Variants in MAML3 observed in about 807,000 individuals in gnomAD.
MAML3 encodes the protein mastermind like transcriptional coactivator 3.
In MAML3, 27 loss-of-function variants were observed where a neutral mutation model predicts 101.9. The observed-to-expected ratio is 0.27, with a 90% CI of 0.20 to 0.37. The LOEUF is 0.37. Among genes scored for constraint, MAML3 ranks in the 10% least tolerant of loss-of-function variants. The pLI is 1.00. For missense variants in MAML3, 1,316 were observed against 1,444.9 expected (o/e 0.91, Z 1.45); for synonymous variants, 501 against 555.9 (o/e 0.90, Z 1.39).
At chr4:139,931,717 C>T (rs984989031) in intron 1 of MAML3, among the ~76,000 whole-genome samples, 9 of 151,976 alleles carry the variant, frequency 5.9e-5, no homozygotes, top group African/African-American at 2.2e-4. Context: ...TGTAAAAGTA[C>T]TTTAGAAATA....
intron 2 of MAML3, among the ~76,000 whole-genome samples, chr4:139,769,211 G>T (rs537892169): frequency 1.3e-5 from 2 of 152,338 alleles, no homozygotes; most frequent in South Asian, 4.1e-4. Flanking sequence ...GAACAGGCAG[G>T]CAGGGATACA....
intron 1 of MAML3, among the ~76,000 whole-genome samples, chr4:140,051,970 C>T (rs1031751501): frequency 7.2e-5 from 11 of 152,184 alleles, no homozygotes; most frequent in African/African-American, 2.4e-4. Context: ...CTTACTGATA[C>T]CTCACCCCTG....
intron 1 of MAML3, among the ~76,000 whole-genome samples, chr4:140,034,981 CT>C (rs1726961047): frequency 6.6e-6 from 1 of 152,010 alleles, no homozygotes; most frequent in African/African-American, 2.4e-5. Flanking sequence ...CAAGGAAGTT[CT>C]TTTTTGAGAT....
chr4:139,941,176 T>C (rs1733590320), intron 1 of MAML3, among the ~76,000 whole-genome samples: 1 of 152,234 alleles, frequency 6.6e-6, no homozygotes, highest in African/African-American at 2.4e-5. Flanking sequence ...CTGTACATTA[T>C]TGGCAACACA....
intron 2 of MAML3, among the ~76,000 whole-genome samples, chr4:139,863,130 A>G (rs1161597129): frequency 7.6e-6 from 1 of 131,150 alleles, no homozygotes; most frequent in Non-Finnish European, 1.6e-5. Flanking sequence ...AGCCTGGGTG[A>G]CAGAGTGAGA....
intron 2 of MAML3, among the ~76,000 whole-genome samples, chr4:139,736,913 C>G (rs1597906): frequency 0.063 from 9,649 of 152,258 alleles, 502 homozygotes; most frequent in Admixed American, 0.14. Context: ...GCAAAATTTC[C>G]TGCTTTGGAA....
At chr4:139,905,508 A>AAAAAAAAAAAAAAAAAG (rs1732808697) in intron 1 of MAML3, among the ~76,000 whole-genome samples, 1 of 150,564 alleles carries the variant, frequency 6.6e-6, no homozygotes, top group Non-Finnish European at 1.5e-5. Context: ...AAAAAAAAAA[A>AAAAAAAAAAAAAAAAAG]TCAGTTAAAT....
chr4:139,761,019 C>T (rs1013007810), intron 2 of MAML3, among the ~76,000 whole-genome samples: 6 of 151,894 alleles, frequency 4.0e-5, no homozygotes, highest in Non-Finnish European at 8.8e-5. Context: ...AGTACAATGG[C>T]GCAATCTCGG....
At chr4:140,094,437 C>T (rs879226123) in intron 1 of MAML3, among the ~76,000 whole-genome samples, 1 of 152,212 alleles carries the variant, frequency 6.6e-6, no homozygotes, top group Non-Finnish European at 1.5e-5. Context: ...AGCCGGCCAA[C>T]GCTGTGATGC....
In MAML3 at chr4:139,942,662, A is replaced by G. The variant is rs567309357; in HGVS notation, c.469-51695T>C. Among the ~76,000 whole-genome samples, 16 of 151,098 alleles carry G rather than the reference A, an allele frequency of 1.1e-4. No homozygotes were observed. In the South Asian group the frequency reaches 3.3e-3, roughly 32 times the overall value. ...TTTTTTTTTGCCAAACTATGTCCCTATTGTCTATACTCCTAATATTAATTA... is the reference window on the plus strand; with the variant it reads ...TTTTTTTTTGCCAAACTATGTCCCTGTTGTCTATACTCCTAATATTAATTA... On this transcript the variant is annotated intron_variant, in intron 1 of 4. Coordinates refer to ENST00000509479, the MANE Select transcript of MAML3 (RefSeq NM_018717.5).
chr4:139,795,234 T>A (rs1235848210), intron 2 of MAML3, among the ~76,000 whole-genome samples: 1 of 152,200 alleles, frequency 6.6e-6, no homozygotes, highest in Admixed American at 6.5e-5. Flanking sequence ...TAACCTAACA[T>A]AATGTTGAAT....
chr4:140,059,601 C>T (rs972447367), intron 1 of MAML3, among the ~76,000 whole-genome samples: 2 of 152,092 alleles, frequency 1.3e-5, no homozygotes, highest in East Asian at 3.8e-4. Flanking sequence ...AAAGAAATGG[C>T]TGAATGTCAA....
intron 2 of MAML3, among the ~76,000 whole-genome samples, chr4:139,760,695 C>T (rs969696920): frequency 2.6e-5 from 4 of 152,144 alleles, no homozygotes; most frequent in African/African-American, 9.7e-5. Flanking sequence ...AGAAACTGTA[C>T]TACTATATTC....
intron 3 of MAML3, among the ~76,000 whole-genome samples, chr4:139,727,377 CTCAG>C (rs1259402668): frequency 6.6e-6 from 1 of 152,214 alleles, no homozygotes; most frequent in Non-Finnish European, 1.5e-5. Flanking sequence ...ACAGCTTCTC[CTCAG>C]TCAAACTTCC....
intron 2 of MAML3, among the ~76,000 whole-genome samples, chr4:139,742,865 T>C (rs1208472591): frequency 6.6e-6 from 1 of 152,208 alleles, no homozygotes; most frequent in Admixed American, 6.5e-5. Context: ...CCTTCAAAGA[T>C]GGAGGTTATG....
At chr4:139,766,034 C>G (rs1729854392) in intron 2 of MAML3, among the ~76,000 whole-genome samples, 1 of 152,138 alleles carries the variant, frequency 6.6e-6, no homozygotes. Context: ...CTATCGAGCA[C>G]CTATGTGCTG....
intron 1 of MAML3, among the ~76,000 whole-genome samples, chr4:139,954,929 CAAT>C (rs1733891665): frequency 6.6e-6 from 1 of 151,694 alleles, no homozygotes; most frequent in South Asian, 2.1e-4. Context: ...TAAAGAATAA[CAAT>C]GATAATAATA....
intron 1 of MAML3, among the ~76,000 whole-genome samples, chr4:140,014,918 T>A (rs1428304079): frequency 6.6e-6 from 1 of 152,174 alleles, no homozygotes; most frequent in Non-Finnish European, 1.5e-5. Context: ...GACATCCAAG[T>A]GAGTTGGTCT....
chr4:139,781,554 G>A (rs909225252), intron 2 of MAML3, among the ~76,000 whole-genome samples: 3 of 139,174 alleles, frequency 2.2e-5, no homozygotes, highest in Non-Finnish European at 3.2e-5. Context: ...CACCCATTAC[G>A]GCTATTTTCT....
Sources: gnomAD v4.1 joint callset for allele counts (sites outside exome capture counted in the v4.1 genomes callset) on GRCh38, gnomAD v4.1.1 for gene constraint, MANE v1.5 for transcripts, NCBI Gene and HGNC (gene_info 2026-07-23, HGNC 2026-07-21) for gene names.